Variants in DRC8 observed in about 807,000 individuals in gnomAD.
DRC8 encodes the protein dynein regulatory complex protein 8.
chr1:245,044,729 G>C, the DRC8 span, among the ~76,000 whole-genome samples: 1 of 151,786 alleles, frequency 6.6e-6, no homozygotes, highest in Non-Finnish European at 1.5e-5. Flanking sequence ...ACCACGCCTG[G>C]CTATTTGTGT....
chr1:245,060,973 T>C, the DRC8 span, among the ~76,000 whole-genome samples: 4 of 152,236 alleles, frequency 2.6e-5, no homozygotes, highest in Admixed American at 1.3e-4. Flanking sequence ...CAGAGTTCAG[T>C]AGTTGCCACA....
the DRC8 span, chr1:245,059,353 T>G: frequency 1.3e-6 from 2 of 1,558,206 alleles, no homozygotes; most frequent in Non-Finnish European, 1.8e-6. Flanking sequence ...GGAGTTTATA[T>G]TCTAAAACCA....
chr1:244,970,833 A>T, the DRC8 span: 1 of 303,734 alleles, frequency 3.3e-6, no homozygotes. Context: ...GCTGCGCCGG[A>T]GGCGCCGGCA....
chr1:245,026,597 TG>T, the DRC8 span, among the ~76,000 whole-genome samples: 2 of 152,086 alleles, frequency 1.3e-5, no homozygotes, highest in African/African-American at 4.8e-5. Flanking sequence ...TGGAAAAACA[TG>T]GAAGAGGAAT....
chr1:245,006,901 T>G, the DRC8 span, among the ~76,000 whole-genome samples: 1 of 151,652 alleles, frequency 6.6e-6, no homozygotes, highest in East Asian at 1.9e-4. Flanking sequence ...GCCAGTGAAT[T>G]CCAGCCTGGG....
chr1:245,008,853 T>G, the DRC8 span, among the ~76,000 whole-genome samples: 401 of 150,726 alleles, frequency 2.7e-3, 2 homozygotes, highest in African/African-American at 9.2e-3. Context: ...TTAAAAAATT[T>G]TGTGTGTGTG....
At chr1:245,010,023 G>C in the DRC8 span, among the ~76,000 whole-genome samples, 1 of 152,020 alleles carries the variant, frequency 6.6e-6, no homozygotes, top group African/African-American at 2.4e-5. Flanking sequence ...ACCACGTCCA[G>C]CTAATTTTGG....
the DRC8 span, among the ~76,000 whole-genome samples, chr1:245,112,345 A>G: frequency 6.6e-6 from 1 of 152,230 alleles, no homozygotes; most frequent in Admixed American, 6.5e-5. Context: ...AAGTGCTGGG[A>G]TTACAGGTGT....
the DRC8 span, among the ~76,000 whole-genome samples, chr1:245,057,994 C>G: frequency 8.5e-5 from 13 of 152,130 alleles, no homozygotes; most frequent in African/African-American, 2.7e-4. Context: ...CTCTACCTCC[C>G]TGAGACCAAC....
At chr1:245,085,953 G>A in the DRC8 span, among the ~76,000 whole-genome samples, 1,006 of 152,348 alleles carry the variant, frequency 6.6e-3, 14 homozygotes, top group African/African-American at 0.023. Flanking sequence ...CCAAGGCTTT[G>A]CCCTCGATGG....
the DRC8 span, among the ~76,000 whole-genome samples, chr1:244,986,179 T>G: frequency 2.6e-5 from 4 of 152,026 alleles, no homozygotes; most frequent in African/African-American, 9.7e-5. Context: ...GGTCTTGAAC[T>G]CCTGACCTCA....
chr1:245,122,166 G>A, the DRC8 span: 505 of 232,120 alleles, frequency 2.2e-3, 2 homozygotes, highest in Non-Finnish European at 3.0e-3. Context: ...GCCTCCCAAA[G>A]TTCTGGGATT....
At chr1:245,098,272 A>G in the DRC8 span, among the ~76,000 whole-genome samples, 11 of 152,268 alleles carry the variant, frequency 7.2e-5, no homozygotes, top group South Asian at 2.3e-3. Flanking sequence ...AGCCAACCAG[A>G]CATCCAGGCT....
At chr1:245,083,387 T>G in the DRC8 span, 5 of 1,518,840 alleles carry the variant, frequency 3.3e-6, no homozygotes, top group East Asian at 1.1e-4. Flanking sequence ...TGATTTATTA[T>G]GTAAAGACTG....
the DRC8 span, among the ~76,000 whole-genome samples, chr1:244,975,089 C>T: frequency 6.6e-6 from 1 of 152,128 alleles, no homozygotes; most frequent in Admixed American, 6.6e-5. Flanking sequence ...TGCCACCACG[C>T]CCGGCTAATT....
At chr1:245,111,740 C>T in the DRC8 span, among the ~76,000 whole-genome samples, 6 of 152,114 alleles carry the variant, frequency 3.9e-5, no homozygotes. Context: ...CTATGGCCAA[C>T]ATCAGATAAC....
the DRC8 span, among the ~76,000 whole-genome samples, chr1:245,071,583 TC>T: frequency 6.6e-6 from 1 of 152,198 alleles, no homozygotes; most frequent in Non-Finnish European, 1.5e-5. Context: ...AGTGGTAAGT[TC>T]CTGGCATTGA....
At chr1:245,102,108 GAC>G in the DRC8 span, among the ~76,000 whole-genome samples, 3 of 152,192 alleles carry the variant, frequency 2.0e-5, no homozygotes, top group African/African-American at 7.2e-5. Context: ...ATAGTGCACA[GAC>G]ACACAACTCA....
the DRC8 span, among the ~76,000 whole-genome samples, chr1:244,997,186 A>T: frequency 6.6e-6 from 1 of 151,966 alleles, no homozygotes; most frequent in Admixed American, 6.6e-5. Context: ...TGTAGCTCTG[A>T]CCTTTTTATT....
Sources: allele counts gnomAD v4.1 joint callset (sites outside exome capture counted in the v4.1 genomes callset), GRCh38; gene constraint gnomAD v4.1.1; transcripts MANE v1.5; gene names NCBI Gene and HGNC (gene_info 2026-07-23, HGNC 2026-07-21).